FHOD1: variants seen among roughly 807,000 people sequenced by gnomAD.
FHOD1 encodes the protein FH1/FH2 domain-containing protein 1.
Under a neutral mutation model 111.6 loss-of-function variants are expected in FHOD1, and 89 were observed. The observed-to-expected ratio is 0.80, with a 90% CI of 0.67 to 0.95. FHOD1 has a LOEUF of 0.95. FHOD1 is among the 40% of genes least tolerant of loss of function. The pLI is 0.00. For synonymous variants in FHOD1, 618 were observed against 639.0 expected (o/e 0.97, Z 0.50); for missense variants, 1,446 against 1,554.2 (o/e 0.93, Z 1.17).
At chr16:67,234,568 C>T in intron 11 of FHOD1, 96 bp from the exon 12 acceptor site, 1 of 1,000,470 alleles carries the variant, frequency 1.0e-6, no homozygotes, top group Non-Finnish European at 1.5e-6. Flanking sequence ...CAATTGCAGG[C>T]ACGCACAGAC....
rs2034550636 is a variant in FHOD1 at position 67,237,893 on chromosome 16, C to A, written c.643-125G>T. On this transcript the variant is annotated intron_variant, in intron 6 of 21. Coordinates refer to ENST00000258201, the MANE Select transcript of FHOD1 (RefSeq NM_013241.3). This position sits in a 1 kb window ranked among gnomAD's most constrained non-coding sequence, Gnocchi z 5.6. ...AATCTAGGCAGAATGACCCTGGCCC[C>A]AGGCCCAGGCACTGAAGTGCCTTAT... 2.3e-6 allele frequency: 3 copies of A among 1,300,516 alleles called. No homozygotes were observed. The highest frequency in any genetic ancestry group is 3.3e-6 in the Non-Finnish European group (3 of 910,400). The allele number at this position is 1,300,516 out of a possible 1,614,324, so 80.6% of individuals were successfully genotyped here.
Position 67,229,444 on chromosome 16 carries a change from A to G in FHOD1, c.*192T>C, listed in dbSNP as rs1181818268. 1.5e-5 allele frequency: 9 copies of G among 618,818 alleles called. No homozygotes were observed. The highest frequency in any genetic ancestry group is 3.7e-4 in the Middle Eastern group (1 of 2,704). The allele number at this position is 618,818 out of a possible 1,614,324, so 38.3% of individuals were successfully genotyped here. On this transcript the variant is annotated 3_prime_UTR_variant, in exon 22 of 22. Coordinates refer to ENST00000258201, the MANE Select transcript of FHOD1 (RefSeq NM_013241.3). ...CCGTGCGTTCAAGGAGCTCACACAC[A>G]TGCACATGCATATGCATGCACACAC...
Position 67,230,759 on chromosome 16 carries a change from C to A in FHOD1, c.2700G>T (p.Gly900=). Residue 900 remains glycine (G), a synonymous_variant, in exon 18 of 22, where the codon GGG becomes GGT. Coordinates refer to ENST00000258201, the MANE Select transcript of FHOD1 (RefSeq NM_013241.3). Reference sequence around the variant, plus strand: ...CTGCCCGGCTCCGGCGCTCCAGCTGCCCCAGGTTCTCAGTCAGCTGTTCAA... The same window carrying A: ...CTGCCCGGCTCCGGCGCTCCAGCTGACCCAGGTTCTCAGTCAGCTGTTCAA... ...VDFEQLTENL[G]QLERRSRAAE... 1 of 1,606,110 alleles carries A rather than the reference C, an allele frequency of 6.2e-7. No homozygotes were observed. Among genetic ancestry groups the A allele is most frequent in the Non-Finnish European group, 8.5e-7 (1 of 1,175,928 alleles).
intron 1 of FHOD1, among the ~76,000 whole-genome samples, chr16:67,243,588 C>A (rs1034817478): frequency 4.6e-5 from 7 of 152,136 alleles, no homozygotes; most frequent in Admixed American, 4.6e-4. Flanking sequence ...AAAATCAGCG[C>A]ATTGCCCCAG....
rs748898176 is a variant in FHOD1 at position 67,232,102 on chromosome 16, C to G, written c.2139G>C (p.Val713=). 1 of 1,614,218 alleles carries G rather than the reference C, an allele frequency of 6.2e-7. No individual in the cohort carries two copies. The highest frequency in any genetic ancestry group is 1.1e-5 in the South Asian group (1 of 91,088). ...INIGLTTLPP[V]HVIKAALLNF... ...TGAGCAGAGCAGCCTTAATGACATGCACAGGTGGCAGTGTGGTTAGGCCGA... is the reference window on the plus strand; with the variant it reads ...TGAGCAGAGCAGCCTTAATGACATGGACAGGTGGCAGTGTGGTTAGGCCGA... Residue 713 remains valine, a synonymous_variant, in exon 14 of 22, where the codon GTG becomes GTC. Coordinates refer to ENST00000258201, the MANE Select transcript of FHOD1 (RefSeq NM_013241.3).
At position 67,229,839 on chromosome 16, in the gene FHOD1, G is replaced by C; in HGVS notation, c.3366C>G (p.Ala1122=). The change falls in exon 21 of 22, where the codon GCC becomes GCG. Residue 1122 remains alanine (A), a synonymous_variant. Coordinates refer to ENST00000258201, the MANE Select transcript of FHOD1 (RefSeq NM_013241.3). ...AACGCTTGCGTTCCCTAGCAGCTAA[G>C]GCACGAGGACTGCTCTTGGTCACTG... is the stretch of plus-strand genomic sequence containing the variant. ...VQSVTKSSPR[A]LAARERKRSR... 6.2e-7 allele frequency: 1 copy of C among 1,614,236 alleles called. No individual in the cohort carries two copies. The highest frequency in any genetic ancestry group is 8.5e-7 in the Non-Finnish European group (1 of 1,180,030).
rs2034301106 is a variant in FHOD1, at chr16:67,232,117, G to A, written c.2124C>T (p.Thr708=). 6 of 1,614,218 alleles carry A rather than the reference G, an allele frequency of 3.7e-6. No individual in the cohort carries two copies. Among genetic ancestry groups the A allele is most frequent in the Non-Finnish European group, 5.1e-6 (6 of 1,180,040 alleles). ...KRSNAINIGL[T]TLPPVHVIKA... is the part of the protein sequence containing the mutation. Reference sequence around the variant, plus strand: ...TAATGACATGCACAGGTGGCAGTGTGGTTAGGCCGATGTTGATGGCGTTGC... The same window carrying A: ...TAATGACATGCACAGGTGGCAGTGTAGTTAGGCCGATGTTGATGGCGTTGC... The change falls in exon 14 of 22, where the codon ACC becomes ACT. Residue 708 remains threonine (T), a synonymous_variant. Transcript: ENST00000258201.
Position 67,230,776 on chromosome 16 carries a change from G to C in FHOD1, c.2683C>G (p.Leu895Val), listed in dbSNP as rs1354000540. 6.3e-7 allele frequency: 1 copy of C among 1,599,490 alleles called. No homozygotes were observed. The highest frequency in any genetic ancestry group is 8.5e-7 in the Non-Finnish European group (1 of 1,172,596). The change falls in exon 18 of 22, where the codon CTG (leucine) becomes GTG (valine). Residue 895 changes from leucine to valine, a missense_variant. Physicochemically the swap from Leu to Val is conservative, Grantham distance 32. This residue lies in a region of FHOD1 where 1,085 missense variants were observed against 1,108.8 expected (regional missense o/e 0.98). Transcript: ENST00000258201. ...TRCAKVDFEQ[L>V]TENLGQLERR... ...TCCAGCTGCCCCAGGTTCTCAGTCA[G>C]CTGTTCAAAGTCCACCTGAGAAAGC...
intron 13 of FHOD1, 142 bp downstream of exon 13, chr16:67,233,515 A>T: frequency 8.3e-7 from 1 of 1,207,124 alleles, no homozygotes; most frequent in Non-Finnish European, 1.1e-6. Context: ...CCTTGTTAGG[A>T]GACCTTGGAC....
chr16:67,246,936 G>A (rs2142314929), intron 1 of FHOD1: 1 of 456,404 alleles, frequency 2.2e-6, no homozygotes, highest in Admixed American at 4.2e-5. Flanking sequence ...GCAGACCGAC[G>A]GCGAGTGGAA....
Position 67,237,921 on chromosome 16 carries a change from G to A in FHOD1, c.642+113C>T. On this transcript the variant is annotated intron_variant, in intron 6 of 21. Transcript: ENST00000258201. This position sits in a 1 kb window ranked among gnomAD's most constrained non-coding sequence, Gnocchi z 5.6. ...GCCCAGGCACTGAAGTGCCTTATAG[G>A]CTTACAGAGGCCTCAGACTCACTCC... is the stretch of plus-strand genomic sequence containing the variant. 1 of 1,337,306 alleles carries A rather than the reference G, an allele frequency of 7.5e-7. No homozygotes were observed. The highest frequency in any genetic ancestry group is 1.2e-5 in the South Asian group (1 of 80,174). 82.8% of individuals were successfully genotyped at this position (1,337,306 alleles called of 1,614,324 possible). A position where few individuals can be genotyped will look rare whatever the true frequency, so the allele number is the denominator to read the frequency against.
chr16:67,233,052 C>A (rs576765476), intron 13 of FHOD1, among the ~76,000 whole-genome samples: 1 of 151,650 alleles, frequency 6.6e-6, no homozygotes, highest in Non-Finnish European at 1.5e-5. Context: ...CCACCATGCC[C>A]GGCTAATTTT....
chr16:67,233,792 A>G lies in FHOD1; in HGVS notation c.1911T>C (p.Ala637=), dbSNP rs1020167160. ...GGCTTGCAGAGACTCCATGGCCCCC[A>G]GCCAGCTTCAGCTCACGCCAGAAAA... ...VKLFWRELKL[A]GGHGVSASRF... The change falls in exon 13 of 22, where the codon GCT becomes GCC. Residue 637 remains alanine (A), a synonymous_variant. Transcript: ENST00000258201. The G allele has an allele frequency of 1.2e-6, 2 of 1,613,682 alleles. No individual in the cohort carries two copies. Among genetic ancestry groups the G allele is most frequent in the African/African-American group, 2.7e-5 (2 of 74,870 alleles).
rs2034281566 is a variant in FHOD1, at chr16:67,231,710, A to G, written c.2312T>C (p.Leu771Pro). Residue 771 changes from leucine to proline, a missense_variant, in exon 15 of 22, where the codon CTT becomes CCT. By Grantham distance (98) the Leu-to-Pro change is moderately conservative. Transcript: ENST00000258201. This position sits in a 1 kb window ranked among gnomAD's most constrained non-coding sequence, Gnocchi z 4.3. ...AGCAGCGAGGCCGCCAATGGAGGCA[A>G]GAGTCATCAGGAAGTTCTCGGCTGG... is the stretch of plus-strand genomic sequence containing the variant. ...LGPAENFLMTLASIGGLAARL... is the reference protein window; with the variant it reads ...LGPAENFLMTPASIGGLAARL... 1 of 1,614,070 alleles carries G rather than the reference A, an allele frequency of 6.2e-7. No homozygotes were observed. The highest frequency in any genetic ancestry group is 1.3e-5 in the African/African-American group (1 of 74,918).
Position 67,229,616 on chromosome 16 carries a change from A to G in FHOD1, c.*20T>C. The G allele has an allele frequency of 6.2e-7, 1 of 1,610,428 alleles. No individual in the cohort carries two copies. The highest frequency in any genetic ancestry group is 8.5e-7 in the Non-Finnish European group (1 of 1,176,784). On this transcript the variant is annotated 3_prime_UTR_variant, in exon 22 of 22. Coordinates refer to ENST00000258201, the MANE Select transcript of FHOD1 (RefSeq NM_013241.3). ...GCACTGCAGTCCAGGGTCCAGATAG[A>G]TTTCCGGGATACAGCACCTTCACAC... is the stretch of plus-strand genomic sequence containing the variant.
intron 1 of FHOD1, among the ~76,000 whole-genome samples, chr16:67,246,365 C>T (rs1476511413): frequency 6.6e-6 from 1 of 152,200 alleles, no homozygotes; most frequent in East Asian, 1.9e-4. Context: ...GGCCCGGAAA[C>T]AGCGCGCCGG....
At chr16:67,230,854 G>A in intron 17 of FHOD1, 63 bp from the exon 18 acceptor site, 2 of 1,501,504 alleles carry the variant, frequency 1.3e-6, no homozygotes, top group Admixed American at 4.2e-5. Context: ...CATGGCCCGA[G>A]GCTGCTTCTG....
rs895068442 is a variant in FHOD1 at position 67,229,896 on chromosome 16, T to G, written c.3309A>C (p.Thr1103=). Reference sequence around the variant, plus strand: ...CCAGAAGGTCCATGATCTCATCTGATGTATCACTGGGTAAACTGGAGCCTG... The same window carrying G: ...CCAGAAGGTCCATGATCTCATCTGAGGTATCACTGGGTAAACTGGAGCCTG... ...EPPGSSLPSD[T]SDEIMDLLVQ... is the part of the protein sequence containing the mutation. Residue 1103 remains threonine (T), a synonymous_variant, in exon 21 of 22, where the codon ACA becomes ACC. Transcript: ENST00000258201. 1.9e-6 allele frequency: 3 copies of G among 1,614,112 alleles called. No homozygotes were observed. The African/African-American group carries it at 4.0e-5, about 22-fold the overall frequency.
chr16:67,231,529 A>G lies in FHOD1; in HGVS notation c.2406T>C (p.Phe802=), dbSNP rs143478109. ...SMEREIAEPL[F]DLKVGMEQLV... ...GCTGTTCCATACCCACTTTCAGGTC[A>G]AACAGTGGCTCAGCAATTTCCTGGT... The change falls in exon 16 of 22, where the codon TTT becomes TTC. Residue 802 remains phenylalanine (F), a synonymous_variant. Transcript: ENST00000258201. The surrounding 1 kb of genome is among the most constrained non-coding windows in gnomAD (Gnocchi z 4.3). The G allele has an allele frequency of 5.0e-6, 8 of 1,614,082 alleles. No individual in the cohort carries two copies. The African/African-American group carries it at 5.3e-5, about 11-fold the overall frequency.
Sources: gnomAD v4.1 joint callset for allele counts (sites outside exome capture counted in the v4.1 genomes callset) on GRCh38, gnomAD v4.1.1 for gene constraint, gnomAD v4.1.1 regional missense constraint, Gnocchi (gnomAD v3.1) non-coding constraint, MANE v1.5 for transcripts, NCBI Gene and HGNC (gene_info 2026-07-23, HGNC 2026-07-21) for gene names.